Variants in CDK2AP2 observed in about 807,000 individuals in gnomAD.
The protein encoded by CDK2AP2 is cyclin dependent kinase 2 associated protein 2.
A neutral mutation model predicts 13.0 loss-of-function variants in CDK2AP2; 1 was observed. The observed-to-expected ratio is 0.08, with a 90% CI of 0.03 to 0.37. The LOEUF (loss-of-function observed/expected upper bound fraction) is 0.37. CDK2AP2 is among the 10% of genes least tolerant of loss of function. The probability of loss-of-function intolerance (pLI) is 0.99; values close to 1 mark genes in which losing one functional copy is unlikely to be tolerated. For synonymous variants in CDK2AP2, 76 were observed against 73.0 expected (o/e 1.04, Z -0.21); for missense variants, 129 against 175.8 (o/e 0.73, Z 1.50).
At position 67,507,382 on chromosome 11, in the gene CDK2AP2, A is replaced by G; in HGVS notation, c.296T>C (p.Met99Thr). ...TCACTTACCTCTCTTCAGGCGCTCC[A>G]TGGCGCTCTTGCTGCCAGCATAGGT... is the stretch of plus-strand genomic sequence containing the variant. Reference protein sequence around the residue: ...RPTYAGSKSAMERLKRGIIHA... With the variant: ...RPTYAGSKSATERLKRGIIHA... The change falls in exon 3 of 4, where the codon ATG (methionine) becomes ACG (threonine). Residue 99 changes from methionine (M) to threonine (T), a missense_variant. Met to Thr is a moderately conservative substitution (Grantham distance 81). Around this residue, in one of 2 missense-constraint regions of CDK2AP2, gnomAD observed 31 missense variants for 76.0 expected, o/e 0.41. Coordinates refer to ENST00000301488, the MANE Select transcript of CDK2AP2 (RefSeq NM_005851.5). 1 of 1,612,788 alleles carries G rather than the reference A, an allele frequency of 6.2e-7. No homozygotes were observed. Among genetic ancestry groups the G allele is most frequent in the Non-Finnish European group, 8.5e-7 (1 of 1,180,024 alleles).
Position 67,507,516 on chromosome 11 carries a change from G to A in CDK2AP2, c.181-19C>T. On this transcript the variant is annotated intron_variant, in intron 2 of 3. Coordinates refer to ENST00000301488, the MANE Select transcript of CDK2AP2 (RefSeq NM_005851.5). Reference sequence around the variant, plus strand: ...TCATCGCCTATGTCAAAAGAGAACAGGGCAGTGAGCTCAGGCACCTGGCGG... The same window carrying A: ...TCATCGCCTATGTCAAAAGAGAACAAGGCAGTGAGCTCAGGCACCTGGCGG... 1.2e-6 allele frequency: 2 copies of A among 1,613,834 alleles called. No homozygotes were observed. Among genetic ancestry groups the A allele is most frequent in the Non-Finnish European group, 1.7e-6 (2 of 1,180,026 alleles).
chr11:67,507,074 G>T, intron 3 of CDK2AP2, 62 bp from the exon 4 acceptor site: 2 of 1,218,438 alleles, frequency 1.6e-6, no homozygotes, highest in African/African-American at 1.5e-5. Flanking sequence ...TCCAGAGGAG[G>T]ACCCCTGCCT....
chr11:67,507,233 C>A, intron 3 of CDK2AP2, 132 bp downstream of exon 3: 1 of 1,106,124 alleles, frequency 9.0e-7, no homozygotes, highest in Non-Finnish European at 1.3e-6. Flanking sequence ...CAATTCGATT[C>A]AAAACACCTC....
Position 67,506,947 on chromosome 11 carries a change from A to G in CDK2AP2, c.379T>C (p.Ter127GlnextTer65). The G allele has an allele frequency of 6.4e-7, 1 of 1,556,080 alleles. No individual in the cohort carries two copies. The highest frequency in any genetic ancestry group is 8.7e-7 in the Non-Finnish European group (1 of 1,149,608). Residue 127 changes from the stop codon to glutamine, a stop_lost, in exon 4 of 4, where the codon TAA becomes CAA. Coordinates refer to ENST00000301488, the MANE Select transcript of CDK2AP2 (RefSeq NM_005851.5). ...LAETERNART* is the reference protein window; with the variant it reads ...LAETERNARTQ ...CGCTGAGGCCGAGGCGCTTCCTGTT[A>G]CGTGCGGGCGTTCCGCTCTGTCTCT...
At position 67,507,511 on chromosome 11, in the gene CDK2AP2, G is replaced by A. The variant is rs1445089826; in HGVS notation, c.181-14C>T. 5 of 1,613,706 alleles carry A rather than the reference G, an allele frequency of 3.1e-6. No homozygotes were observed. The highest frequency in any genetic ancestry group is 1.3e-5 in the African/African-American group (1 of 74,940). ...TGGCTTCATCGCCTATGTCAAAAGA[G>A]AACAGGGCAGTGAGCTCAGGCACCT... On this transcript the variant is annotated splice_polypyrimidine_tract_variant and intron_variant, in intron 2 of 3. Transcript: ENST00000301488.
rs971689499 is a variant in CDK2AP2, at chr11:67,506,814, G to A, written c.*131C>T. 2.3e-5 allele frequency: 17 copies of A among 734,648 alleles called. No individual in the cohort carries two copies. The highest frequency in any genetic ancestry group is 5.3e-5 in the African/African-American group (3 of 56,896). 45.5% of individuals were successfully genotyped at this position (734,648 alleles called of 1,614,324 possible). On this transcript the variant is annotated 3_prime_UTR_variant, in exon 4 of 4. Coordinates refer to ENST00000301488, the MANE Select transcript of CDK2AP2 (RefSeq NM_005851.5). ...CTGGAGGGCCACTCCTTGGTTCCTG[G>A]AGGGGACCCACCAAGGGACACAGGA...
Position 67,507,007 on chromosome 11 carries a change from T to C in CDK2AP2, c.319A>G (p.Ile107Val). 1.3e-6 allele frequency: 2 copies of C among 1,553,644 alleles called. No homozygotes were observed. Among genetic ancestry groups the C allele is most frequent in the Non-Finnish European group, 1.7e-6 (2 of 1,148,090 alleles). The stretch of plus-strand genomic sequence containing the variant: ...TCTCTGACTAGGGCCCGGGCATGGA[T>C]GATACCTGGGGGTGGGGTGGGGTCT... ...SAMERLKRGI[I>V]HARALVRECL... Residue 107 changes from isoleucine to valine, a missense_variant, in exon 4 of 4, where the codon ATC (isoleucine) becomes GTC (valine). Ile to Val is a conservative substitution (Grantham distance 29). This residue lies in a region of CDK2AP2 where 31 missense variants were observed against 76.0 expected (regional missense o/e 0.41). Transcript: ENST00000301488.
rs1866560618 is a variant in CDK2AP2 at position 67,507,596 on chromosome 11, A to C, written c.176T>G (p.Val59Gly). The C allele has an allele frequency of 1.2e-6, 2 of 1,613,602 alleles. No homozygotes were observed. The change falls in exon 2 of 4, where the codon GTG becomes GGG. Residue 59 changes from valine (V) to glycine (G), a missense_variant. Coordinates refer to ENST00000301488, the MANE Select transcript of CDK2AP2 (RefSeq NM_005851.5). ...CAAGGCTTTGGCCCCACTCACCTGC[A>C]CGTAGCCCATGGAAGGCGGTCCAAA... ...NDFGPPSMGYVQAMKPPGAQG... is the reference protein window; with the variant it reads ...NDFGPPSMGYGQAMKPPGAQG...
chr11:67,507,838 C>A, intron 1 of CDK2AP2, 149 bp from the exon 2 acceptor site: 3 of 1,537,066 alleles, frequency 2.0e-6, no homozygotes, highest in Non-Finnish European at 1.7e-6. Flanking sequence ...CCTCCCACTG[C>A]GCTCCACCTA....
At position 67,506,948 on chromosome 11, in the gene CDK2AP2, C is replaced by T. The variant is rs386464288; in HGVS notation, c.378G>A (p.Thr126=). ...GCTGAGGCCGAGGCGCTTCCTGTTACGTGCGGGCGTTCCGCTCTGTCTCTG... is the reference window on the plus strand; with the variant it reads ...GCTGAGGCCGAGGCGCTTCCTGTTATGTGCGGGCGTTCCGCTCTGTCTCTG... The part of the protein sequence containing the change: ...CLAETERNAR[T] Residue 126 remains threonine, a synonymous_variant, in exon 4 of 4, where the codon ACG becomes ACA. Coordinates refer to ENST00000301488, the MANE Select transcript of CDK2AP2 (RefSeq NM_005851.5). 1.1e-5 allele frequency: 17 copies of T among 1,553,544 alleles called. No individual in the cohort carries two copies. In the South Asian group the frequency reaches 1.3e-4, roughly 12 times the overall value.
At chr11:67,507,921 A>G in intron 1 of CDK2AP2, 80 bp downstream of exon 1, 1 of 1,547,890 alleles carries the variant, frequency 6.5e-7, no homozygotes, top group Non-Finnish European at 8.7e-7. Context: ...CGGCAGGCCC[A>G]GTATTGCAGA....
Position 67,508,028 on chromosome 11 carries a change from G to T in CDK2AP2, c.55C>A (p.Pro19Thr), listed in dbSNP as rs1471812347. 3 of 1,535,242 alleles carry T rather than the reference G, an allele frequency of 2.0e-6. No individual in the cohort carries two copies. Among genetic ancestry groups the T allele is most frequent in the South Asian group, 1.2e-5 (1 of 82,230 alleles). The change falls in exon 1 of 4, where the codon CCT (proline) becomes ACT (threonine). Residue 19 changes from proline (P) to threonine (T), a missense_variant. This residue lies in a region of CDK2AP2 where 98 missense variants were observed against 99.7 expected (regional missense o/e 0.98). Coordinates refer to ENST00000301488, the MANE Select transcript of CDK2AP2 (RefSeq NM_005851.5). ...APSSTPGSSTPGPGTPVPTGS... is the reference protein window; with the variant it reads ...APSSTPGSSTTGPGTPVPTGS... ...GTAGGGACCGGGGTGCCCGGCCCAG[G>T]GGTGCTGGAGCCAGGGGTGCTGCTG...
chr11:67,507,250 A>C, intron 3 of CDK2AP2, 115 bp downstream of exon 3: 5 of 1,177,320 alleles, frequency 4.2e-6, no homozygotes, highest in African/African-American at 1.5e-5. Context: ...CCTCTCTGGT[A>C]GTAATACTGG....
At chr11:67,507,905 G>T in intron 1 of CDK2AP2, 96 bp downstream of exon 1, 1 of 1,545,966 alleles carries the variant, frequency 6.5e-7, no homozygotes, top group Non-Finnish European at 8.7e-7. Context: ...GCTCAGCGAG[G>T]GTAGGCGGCA....
rs1427497163 is a variant in CDK2AP2 at position 67,507,619 on chromosome 11, A to C, written c.153T>G (p.Phe51Leu). Reference protein sequence around the residue: ...GAPFRPLFNDFGPPSMGYVQA... With the variant: ...GAPFRPLFNDLGPPSMGYVQA... Reference sequence around the variant, plus strand: ...GCACGTAGCCCATGGAAGGCGGTCCAAAGTCGTTAAACAGCGGTCTGAAAG... The same window carrying C: ...GCACGTAGCCCATGGAAGGCGGTCCCAAGTCGTTAAACAGCGGTCTGAAAG... The change falls in exon 2 of 4, where the codon TTT becomes TTG. Residue 51 changes from phenylalanine to leucine, a missense_variant. By Grantham distance (22) the Phe-to-Leu change is conservative. Transcript: ENST00000301488. 2.5e-6 allele frequency: 4 copies of C among 1,613,566 alleles called. No homozygotes were observed.
chr11:67,507,711 A>G, intron 1 of CDK2AP2, 22 bp from the exon 2 acceptor site: 3 of 1,611,858 alleles, frequency 1.9e-6, no homozygotes, highest in Non-Finnish European at 2.5e-6. Context: ...GGCGCGAGTA[A>G]GAGGTCAGCG....
rs1335746899 is a variant in CDK2AP2 at position 67,506,817 on chromosome 11, G to C, written c.*128C>G. 4.0e-6 allele frequency: 3 copies of C among 746,014 alleles called. No individual in the cohort carries two copies. Among genetic ancestry groups the C allele is most frequent in the Non-Finnish European group, 4.5e-6 (2 of 447,284 alleles). The allele number at this position is 746,014 out of a possible 1,614,324, so 46.2% of individuals were successfully genotyped here. On this transcript the variant is annotated 3_prime_UTR_variant, in exon 4 of 4. Transcript: ENST00000301488. ...GAGGGCCACTCCTTGGTTCCTGGAGGGGACCCACCAAGGGACACAGGACAG... is the reference window on the plus strand; with the variant it reads ...GAGGGCCACTCCTTGGTTCCTGGAGCGGACCCACCAAGGGACACAGGACAG...
At position 67,507,014 on chromosome 11, in the gene CDK2AP2, TG is replaced by T; in HGVS notation, c.314-3del. On this transcript the variant is annotated splice_region_variant and splice_polypyrimidine_tract_variant and intron_variant, in intron 3 of 3. Transcript: ENST00000301488. ...CTAGGGCCCGGGCATGGATGATACC[TG>T]GGGGTGGGGTGGGGTCTCAGCAACC... 1 of 1,547,756 alleles carries T rather than the reference TG, an allele frequency of 6.5e-7. No individual in the cohort carries two copies. Among genetic ancestry groups the T allele is most frequent in the Non-Finnish European group, 8.7e-7 (1 of 1,144,640 alleles).
chr11:67,507,103 T>C (rs528947336), intron 3 of CDK2AP2, 91 bp from the exon 4 acceptor site: 1 of 996,340 alleles, frequency 1.0e-6, no homozygotes, highest in African/African-American at 1.6e-5. Flanking sequence ...CCTTTCCACT[T>C]TCGGCAAAAG....
Sources: gnomAD v4.1 joint callset for allele counts on GRCh38, gnomAD v4.1.1 for gene constraint, gnomAD v4.1.1 regional missense constraint, MANE v1.5 for transcripts, NCBI Gene and HGNC (gene_info 2026-07-23, HGNC 2026-07-21) for gene names.